Variants in SCYL2 observed in about 807,000 individuals in gnomAD.
SCYL2 encodes the protein SCY1 like pseudokinase 2, also known as SCY1-like protein 2.
In SCYL2, 36 loss-of-function variants were observed where a neutral mutation model predicts 100.4. That is an observed-to-expected ratio of 0.36 (90% confidence interval 0.27 to 0.47). SCYL2 has a LOEUF of 0.47. SCYL2 is among the 20% of genes least tolerant of loss of function. The probability of loss-of-function intolerance (pLI) is 1.00; values close to 1 mark genes in which losing one functional copy is unlikely to be tolerated. For synonymous variants in SCYL2, 330 were observed against 359.2 expected, an observed-to-expected ratio of 0.92 and a Z score of 0.92; for missense variants, 902 against 1,083.9, an observed-to-expected ratio of 0.83 and a Z score of 2.36.
At chr12:100,273,666 C>T (rs758195905) in intron 1 of SCYL2, among the ~76,000 whole-genome samples, 9 of 152,164 alleles carry the variant, frequency 5.9e-5, no homozygotes, top group Non-Finnish European at 1.2e-4. Flanking sequence ...AGTTTGCAGA[C>T]CACACCATAG....
intron 1 of SCYL2, among the ~76,000 whole-genome samples, chr12:100,278,560 G>A (rs981785824): frequency 8.6e-5 from 13 of 151,008 alleles, no homozygotes; most frequent in Non-Finnish European, 1.3e-4. Context: ...TGACAGTTTC[G>A]TTTAGCAGTT....
chr12:100,282,946 A>G lies in SCYL2; in HGVS notation c.-25A>G, dbSNP rs756395800. ...CACTATCCTTCTGTTTTTCTAGGTAACTATAACTACCCAATATTGCAGCCA... is the reference window on the plus strand; with the variant it reads ...CACTATCCTTCTGTTTTTCTAGGTAGCTATAACTACCCAATATTGCAGCCA... On this transcript the variant is annotated 5_prime_UTR_variant, in exon 2 of 18. Transcript: ENST00000360820. 1.1e-5 allele frequency: 17 copies of G among 1,507,938 alleles called. No homozygotes were observed. Among genetic ancestry groups the G allele is most frequent in the Admixed American group, 2.0e-5 (1 of 49,430 alleles). The allele number at this position is 1,507,938 out of a possible 1,614,324, so 93.4% of individuals were successfully genotyped here.
intron 1 of SCYL2, among the ~76,000 whole-genome samples, chr12:100,281,552 G>A (rs1351693720): frequency 6.6e-6 from 1 of 152,016 alleles, no homozygotes; most frequent in Non-Finnish European, 1.5e-5. Context: ...AAAGAAAATA[G>A]GCTGGGCGCT....
chr12:100,294,379 G>A (rs1325992471), intron 3 of SCYL2, among the ~76,000 whole-genome samples: 41 of 113,242 alleles, frequency 3.6e-4, no homozygotes, highest in South Asian at 1.2e-3. Flanking sequence ...GGCCGGGCGG[G>A]GGGCTGACCC....
In SCYL2 at chr12:100,312,421, T is replaced by G; in HGVS notation, c.631-11T>G. On this transcript the variant is annotated splice_polypyrimidine_tract_variant and intron_variant, in intron 5 of 17. Transcript: ENST00000360820. The stretch of plus-strand genomic sequence containing the variant: ...TTGAAGTAACCCATGTAATTCCTTT[T>G]CTTACTACAGCCTAAATTTCCTTGT... 6.3e-7 allele frequency: 1 copy of G among 1,587,988 alleles called. No homozygotes were observed. The highest frequency in any genetic ancestry group is 8.6e-7 in the Non-Finnish European group (1 of 1,158,150).
chr12:100,267,447 T>C lies in SCYL2; in HGVS notation c.-374T>C, dbSNP rs1308965020. On this transcript the variant is annotated 5_prime_UTR_variant, in exon 1 of 18. Coordinates refer to ENST00000360820, the MANE Select transcript of SCYL2 (RefSeq NM_017988.6). ...CCGACCTCCCTCACCGGCGGCTCTC[T>C]CGCCTGGGCTCCCGGAGCCGGCGAG... 2 of 172,882 alleles carry C rather than the reference T, an allele frequency of 1.2e-5. No homozygotes were observed. The highest frequency in any genetic ancestry group is 2.5e-5 in the Non-Finnish European group (2 of 80,402). The allele number at this position is 172,882 out of a possible 1,614,324, so 10.7% of individuals were successfully genotyped here.
chr12:100,335,500 A>G (rs934958067), intron 14 of SCYL2, 125 bp from the exon 15 acceptor site: 5 of 647,044 alleles, frequency 7.7e-6, no homozygotes, highest in African/African-American at 5.6e-5. Context: ...AATGGAAAAG[A>G]TGACTCTTCT....
At chr12:100,291,458 CT>C in intron 2 of SCYL2, 44 bp from the exon 3 acceptor site, 2 of 1,274,368 alleles carry the variant, frequency 1.6e-6, no homozygotes, top group South Asian at 1.5e-5. Context: ...AATTTTATTA[CT>C]TTTCTATATT....
At chr12:100,294,271 C>G (rs572148107) in intron 3 of SCYL2, among the ~76,000 whole-genome samples, 1 of 136,144 alleles carries the variant, frequency 7.3e-6, no homozygotes, top group Non-Finnish European at 1.6e-5. Context: ...CCCCCAACCT[C>G]CCTCCCGGAC....
intron 4 of SCYL2, among the ~76,000 whole-genome samples, chr12:100,305,306 C>T (rs181044082): frequency 3.0e-4 from 46 of 152,340 alleles, no homozygotes; most frequent in African/African-American, 1.0e-3. Flanking sequence ...CAAACAGTCT[C>T]TCAGACCACA....
intron 10 of SCYL2, among the ~76,000 whole-genome samples, chr12:100,322,372 C>CAAAAAAAAAAAAAAAAA (rs34959294): frequency 1.8e-4 from 11 of 61,764 alleles, no homozygotes; most frequent in East Asian, 6.2e-4. Flanking sequence ...GACTCCGTCT[C>CAAAAAAAAAAAAAAAAA]AAAAAAAAAA....
intron 16 of SCYL2, 98 bp from the exon 17 acceptor site, chr12:100,337,289 G>A: frequency 6.8e-7 from 1 of 1,467,086 alleles, no homozygotes; most frequent in Non-Finnish European, 9.2e-7. Flanking sequence ...GCTTTTCAGT[G>A]AAGTAGTAAG....
chr12:100,282,319 CTTTTTTTTTTTTT>C lies in SCYL2; in HGVS notation c.-28-612_-28-600del, dbSNP rs1180915936. ...AAACCCCACAAAACCCACTTTTAGT[CTTTTTTTTTTTTT>C]TTTTTTTTTTTGAGATGCAGTCTCA... On this transcript the variant is annotated intron_variant, in intron 1 of 17. Transcript: ENST00000360820. Among the ~76,000 whole-genome samples the C allele has an allele frequency of 3.5e-5, 3 of 85,598 alleles. 1 individual carries two copies. Among genetic ancestry groups the C allele is most frequent in the Admixed American group, 2.8e-4 (2 of 7,266 alleles). The allele number at this position is 85,598 out of a possible 152,430, so 56.2% of individuals were successfully genotyped here. A position where few individuals can be genotyped will look rare whatever the true frequency, so the allele number is the denominator to read the frequency against.
intron 6 of SCYL2, 28 bp from the exon 7 acceptor site, chr12:100,313,394 C>T (rs751837029): frequency 1.2e-5 from 12 of 1,038,936 alleles, no homozygotes; most frequent in East Asian, 2.4e-5. Flanking sequence ...ATTTTATACT[C>T]ATTTAATGTT....
At position 100,331,665 on chromosome 12, in the gene SCYL2, TG is replaced by T. The variant is rs57776061; in HGVS notation, c.1761+2352del. On this transcript the variant is annotated intron_variant, in intron 13 of 17. Transcript: ENST00000360820. The stretch of plus-strand genomic sequence containing the variant: ...TCAGCTTAGTGGGTTTTTTTTGGGG[TG>T]GGGGGAGTGGCTATTTTCATCAACA... Among the ~76,000 whole-genome samples, 865 of 151,904 alleles carry T rather than the reference TG, an allele frequency of 5.7e-3. 8 individuals carry two copies. Among genetic ancestry groups the T allele is most frequent in the African/African-American group, 0.02 (824 of 41,430 alleles).
In SCYL2 at chr12:100,338,561, A is replaced by G; in HGVS notation, c.2179A>G (p.Met727Val). 1 of 1,612,422 alleles carries G rather than the reference A, an allele frequency of 6.2e-7. No homozygotes were observed. The highest frequency in any genetic ancestry group is 8.5e-7 in the Non-Finnish European group (1 of 1,178,956). ...CTTGACAGACACACTGATGGATAAT[A>G]TGTCATCCTTGACCAGCCTTTCTGT... is the stretch of plus-strand genomic sequence containing the variant. ...KDLTDTLMDNMSSLTSLSVST... is the reference protein window; with the variant it reads ...KDLTDTLMDNVSSLTSLSVST... The change falls in exon 18 of 18, where the codon ATG becomes GTG. Residue 727 changes from methionine to valine, a missense_variant. Physicochemically the swap from Met to Val is conservative, Grantham distance 21 (BLOSUM62 1). Transcript: ENST00000360820.
chr12:100,276,138 A>T (rs2096292271), intron 1 of SCYL2, among the ~76,000 whole-genome samples: 1 of 152,198 alleles, frequency 6.6e-6, no homozygotes, highest in African/African-American at 2.4e-5. Context: ...TGTCAAGGTA[A>T]TGCTGACTAC....
At chr12:100,284,551 C>T (rs894643046) in intron 2 of SCYL2, among the ~76,000 whole-genome samples, 2 of 152,140 alleles carry the variant, frequency 1.3e-5, no homozygotes, top group African/African-American at 4.8e-5. Context: ...AAGCCTCTGC[C>T]TCCCAGGTTG....
At chr12:100,337,661 A>G (rs145331907) in intron 17 of SCYL2, among the ~76,000 whole-genome samples, 155 bp downstream of exon 17, 1 of 152,268 alleles carries the variant, frequency 6.6e-6, no homozygotes, top group African/African-American at 2.4e-5. Flanking sequence ...TGATTTTCCA[A>G]CTCAGCTATA....
Sources: gnomAD v4.1 joint callset for allele counts (sites outside exome capture counted in the v4.1 genomes callset) on GRCh38, gnomAD v4.1.1 for gene constraint, MANE v1.5 for transcripts, NCBI Gene and HGNC (gene_info 2026-07-23, HGNC 2026-07-21) for gene names.